The following GPALPP1 variants were observed in gnomAD, a reference collection of about 807,000 sequenced individuals.
GPALPP1 encodes GPALPP motifs-containing protein 1.
GPALPP1 carries 30 observed loss-of-function variants against 38.9 expected under a neutral mutation model. The ratio of observed to expected loss-of-function variants is 0.77; its 90% CI spans 0.58 to 1.05. The LOEUF (loss-of-function observed/expected upper bound fraction) is 1.05, where lower values mean the gene tolerates loss of function less well. Ranked by LOEUF, GPALPP1 falls within the 50% of genes least tolerant of loss-of-function variation. The probability of loss-of-function intolerance (pLI) is 0.00; values close to 1 mark genes in which losing one functional copy is unlikely to be tolerated. For synonymous variants in GPALPP1, 120 were observed against 139.2 expected, an observed-to-expected ratio of 0.86 and a Z score of 0.97; for missense variants, 384 against 408.8, an observed-to-expected ratio of 0.94 and a Z score of 0.52.
At chr13:44,992,924 A>G (rs751554449) in intron 1 of GPALPP1, among the ~76,000 whole-genome samples, 2 of 152,188 alleles carry the variant, frequency 1.3e-5, no homozygotes, top group African/African-American at 4.8e-5. Context: ...ACTGAAACCT[A>G]TTCCCATTAA....
rs1393867967 is a variant in GPALPP1 at position 45,029,268 on chromosome 13, TGAA to T, written c.*1269_*1271del. On this transcript the variant is annotated 3_prime_UTR_variant, in exon 8 of 8. Coordinates refer to ENST00000379151, the MANE Select transcript of GPALPP1 (RefSeq NM_018559.5). The stretch of plus-strand genomic sequence containing the variant: ...ATTTCCCTGTGCAATGAAGAAAAGT[TGAA>T]GAATACTCTTTGTCCATCTTTATTT... The T allele has an allele frequency of 6.6e-6, 1 of 152,238 alleles. No individual in the cohort carries two copies. Among genetic ancestry groups the T allele is most frequent in the Non-Finnish European group, 1.5e-5 (1 of 68,048 alleles). The allele number at this position is 152,238 out of a possible 1,614,324, so 9.4% of individuals were successfully genotyped here. A position where few individuals can be genotyped will look rare whatever the true frequency, so the allele number is the denominator to read the frequency against.
intron 6 of GPALPP1, among the ~76,000 whole-genome samples, chr13:45,018,570 A>G (rs1875047316): frequency 6.6e-6 from 1 of 152,044 alleles, no homozygotes; most frequent in Admixed American, 6.5e-5. Flanking sequence ...TTCTTTTTTT[A>G]TAAGTAAAAC....
intron 6 of GPALPP1, among the ~76,000 whole-genome samples, chr13:45,018,922 AAT>A (rs1875078215): frequency 7.7e-6 from 1 of 130,202 alleles, no homozygotes; most frequent in African/African-American, 3.2e-5. Context: ...TATACATATA[AAT>A]GTATAAATAT....
At chr13:45,026,016 C>A (rs1174998322) in intron 7 of GPALPP1, among the ~76,000 whole-genome samples, 2 of 152,154 alleles carry the variant, frequency 1.3e-5, no homozygotes, top group Non-Finnish European at 2.9e-5. Context: ...GTGATCCACC[C>A]ACCTCAGCCT....
chr13:45,032,488 C>T (rs1471450564), downstream of GPALPP1, among the ~76,000 whole-genome samples: 5 of 151,846 alleles, frequency 3.3e-5, no homozygotes, highest in South Asian at 6.2e-4. Context: ...TCACTGCAAC[C>T]TCCACCTCCC....
Position 45,015,412 on chromosome 13 carries a change from G to GTT in GPALPP1, c.541-11_541-10dup, listed in dbSNP as rs754211206. 92 of 1,315,402 alleles carry GTT rather than the reference G, an allele frequency of 7.0e-5. No homozygotes were observed. Among genetic ancestry groups the GTT allele is most frequent in the Middle Eastern group, 2.0e-4 (1 of 5,076 alleles). 81.5% of individuals were successfully genotyped at this position (1,315,402 alleles called of 1,614,324 possible). On this transcript the variant is annotated intron_variant, in intron 5 of 7. Coordinates refer to ENST00000379151, the MANE Select transcript of GPALPP1 (RefSeq NM_018559.5). ...ACACGATATGTACTTTCTATGCTGTGTTTTTTTTTTCTCTTAAAGGATTCA... is the reference window on the plus strand; with the variant it reads ...ACACGATATGTACTTTCTATGCTGTGTTTTTTTTTTTTCTCTTAAAGGATTCA...
intron 2 of GPALPP1, chr13:45,005,323 C>G (rs902864363): frequency 6.6e-6 from 1 of 151,866 alleles, no homozygotes; most frequent in African/African-American, 2.4e-5. Context: ...TGGTCTTGAA[C>G]TCCTGACCCC....
chr13:45,008,658 A>G, intron 3 of GPALPP1, 137 bp from the exon 4 acceptor site: 1 of 589,316 alleles, frequency 1.7e-6, no homozygotes, highest in South Asian at 2.3e-5. Flanking sequence ...AGGTAATACT[A>G]GTAAAAATAA....
Position 45,028,592 on chromosome 13 carries a change from C to T in GPALPP1, c.*589C>T, listed in dbSNP as rs927527873. 3 of 152,574 alleles carry T rather than the reference C, an allele frequency of 2.0e-5. No homozygotes were observed. The highest frequency in any genetic ancestry group is 7.3e-5 in the African/African-American group (3 of 41,362). The allele number at this position is 152,574 out of a possible 1,614,324, so 9.5% of individuals were successfully genotyped here. A position where few individuals can be genotyped will look rare whatever the true frequency, so the allele number is the denominator to read the frequency against. The stretch of plus-strand genomic sequence containing the variant: ...CAGCCTGCTTAAGATGGTGAGACCC[C>T]GTATCTACAAAAAACTAACCAGGTG... On this transcript the variant is annotated 3_prime_UTR_variant, in exon 8 of 8. Transcript: ENST00000379151.
intron 1 of GPALPP1, among the ~76,000 whole-genome samples, chr13:44,992,084 T>C (rs1047323513): frequency 2.6e-5 from 4 of 152,236 alleles, no homozygotes; most frequent in African/African-American, 9.6e-5. Flanking sequence ...ATATGTCTTA[T>C]GGTAGATACT....
intron 7 of GPALPP1, among the ~76,000 whole-genome samples, chr13:45,024,262 CTGTGTG>C (rs34572145): frequency 0.027 from 644 of 24,226 alleles, 17 homozygotes; most frequent in East Asian, 0.067. Context: ...CCCTAAAACT[CTGTGTG>C]TGTGTGTGTG....
chr13:45,036,807 C>T (rs907405607), exon 8 of GPALPP1: 2 of 152,046 alleles, frequency 1.3e-5, no homozygotes, highest in African/African-American at 4.8e-5. Flanking sequence ...TAAAAATTAT[C>T]TGGGCATGGT....
chr13:45,014,698 G>C (rs1019745749), intron 4 of GPALPP1, among the ~76,000 whole-genome samples: 3 of 152,160 alleles, frequency 2.0e-5, no homozygotes, highest in Non-Finnish European at 4.4e-5. Flanking sequence ...AAGAGAGTGA[G>C]GTCTGTCATG....
At chr13:44,994,942 C>T (rs905601176) in intron 1 of GPALPP1, among the ~76,000 whole-genome samples, 10 of 151,974 alleles carry the variant, frequency 6.6e-5, no homozygotes, top group African/African-American at 2.4e-4. Context: ...CAACCTCCGC[C>T]TCCTGGGTTC....
intron 1 of GPALPP1, 28 bp downstream of exon 1, chr13:44,989,770 C>T: frequency 1.3e-6 from 2 of 1,538,906 alleles, no homozygotes; most frequent in Non-Finnish European, 1.8e-6. Flanking sequence ...CGCTGCCCAC[C>T]AGGCCCATCT....
At chr13:44,996,841 T>TA (rs1190371461) in intron 1 of GPALPP1, among the ~76,000 whole-genome samples, 1 of 127,594 alleles carries the variant, frequency 7.8e-6, no homozygotes, top group East Asian at 2.7e-4. Context: ...AAAATACACA[T>TA]AACATGAAAT....
At chr13:45,013,385 T>G (rs1257159677) in intron 4 of GPALPP1, among the ~76,000 whole-genome samples, 4 of 152,210 alleles carry the variant, frequency 2.6e-5, no homozygotes, top group African/African-American at 9.6e-5. Flanking sequence ...TCCCTGTGCC[T>G]CTTTTGTAGA....
chr13:44,990,365 C>T (rs545532645), intron 1 of GPALPP1: 2 of 162,642 alleles, frequency 1.2e-5, no homozygotes, highest in Non-Finnish European at 2.6e-5. Flanking sequence ...TGACAAACTT[C>T]TCCCCATCCT....
chr13:45,020,421 C>T lies in GPALPP1; in HGVS notation c.797C>T (p.Ser266Leu). 1 of 1,295,282 alleles carries T rather than the reference C, an allele frequency of 7.7e-7. No individual in the cohort carries two copies. Among genetic ancestry groups the T allele is most frequent in the African/African-American group, 1.5e-5 (1 of 68,616 alleles). The allele number at this position is 1,295,282 out of a possible 1,614,324, so 80.2% of individuals were successfully genotyped here. A position where few individuals can be genotyped will look rare whatever the true frequency, so the allele number is the denominator to read the frequency against. ...AAGAGACTGGCTGAGCAGGTATCTT[C>T]ATACAATGTAAGTAAGAAAATAAGA... ...RDKRLAEQVS[S>L]YNESKRSESL... Residue 266 changes from serine to leucine, a missense_variant, in exon 7 of 8, where the codon TCA becomes TTA. Transcript: ENST00000379151.
Sources: gnomAD v4.1 joint callset for allele counts (sites outside exome capture counted in the v4.1 genomes callset) on GRCh38, gnomAD v4.1.1 for gene constraint, MANE v1.5 for transcripts, NCBI Gene and HGNC (gene_info 2026-07-23, HGNC 2026-07-21) for gene names.